MAMLD1: variants seen among roughly 807,000 people sequenced by gnomAD.
The protein encoded by MAMLD1 is mastermind like domain containing 1, also known as mastermind-like domain-containing protein 1.
A neutral mutation model predicts 45.0 loss-of-function variants in MAMLD1; 14 were observed. The observed-to-expected ratio is 0.31, with a 90% CI of 0.21 to 0.49. The LOEUF (loss-of-function observed/expected upper bound fraction) is 0.49. Ranked by LOEUF, MAMLD1 falls within the 20% of genes least tolerant of loss-of-function variation. The pLI is 0.99. For missense variants in MAMLD1, 543 were observed against 603.6 expected (o/e 0.90, Z 1.05); for synonymous variants, 254 against 247.8 (o/e 1.02, Z -0.24).
At chrX:150,459,121 G>A (rs2035959437) in intron 2 of MAMLD1, among the ~76,000 whole-genome samples, 1 of 111,700 alleles carries the variant, frequency 9.0e-6, no homozygotes, top group African/African-American at 3.3e-5. Context: ...AATCCAAATG[G>A]GGTCTGTTTT....
intron 1 of MAMLD1, among the ~76,000 whole-genome samples, chrX:150,392,037 G>T (rs1216543598): frequency 8.9e-6 from 1 of 111,901 alleles, no homozygotes; most frequent in African/African-American, 3.3e-5. Context: ...GCCCTGCCTT[G>T]TTGCCACTGA....
chrX:150,437,772 G>A (rs1219596824), intron 1 of MAMLD1, among the ~76,000 whole-genome samples: 1 of 111,796 alleles, frequency 8.9e-6, no homozygotes, highest in African/African-American at 3.2e-5. Context: ...ATGGGATATT[G>A]ACATTGACAC....
chrX:150,389,463 T>G (rs1325984162), intron 1 of MAMLD1, among the ~76,000 whole-genome samples: 9 of 112,449 alleles, frequency 8.0e-5, no homozygotes. Flanking sequence ...TTTCTGTTAT[T>G]GATTTCTAGT....
intron 1 of MAMLD1, among the ~76,000 whole-genome samples, chrX:150,410,467 G>C (rs1281496402): frequency 2.7e-5 from 3 of 111,775 alleles, no homozygotes; most frequent in African/African-American, 9.8e-5. Context: ...TTTTGGAGGG[G>C]AGAGACAGAC....
chrX:150,467,180 A>G (rs1466141048), intron 3 of MAMLD1, among the ~76,000 whole-genome samples: 1 of 112,050 alleles, frequency 8.9e-6, no homozygotes, highest in East Asian at 2.8e-4. Flanking sequence ...ATACATTTCT[A>G]TTTTTAACCT....
chrX:150,468,487 G>T (rs2036295032), intron 3 of MAMLD1, among the ~76,000 whole-genome samples: 2 of 111,815 alleles, frequency 1.8e-5, no homozygotes, highest in East Asian at 5.6e-4. Flanking sequence ...CGGCATTCAG[G>T]TGATTTCCAG....
intron 1 of MAMLD1, among the ~76,000 whole-genome samples, chrX:150,415,807 T>C (rs1395934176): frequency 5.3e-5 from 6 of 112,261 alleles, no homozygotes; most frequent in African/African-American, 1.9e-4. Context: ...TGACCCAAAA[T>C]GGAGTTAAAT....
intron 3 of MAMLD1, 42 bp downstream of exon 3, chrX:150,462,888 A>C: frequency 8.3e-6 from 9 of 1,078,099 alleles, no homozygotes; most frequent in Non-Finnish European, 1.2e-5. Context: ...TTCACTTTAC[A>C]GTGGGGAAAC....
chrX:150,402,328 C>T lies in MAMLD1; in HGVS notation c.-64+38798C>T, dbSNP rs113211676. On this transcript the variant is annotated intron_variant, in intron 1 of 7. Coordinates refer to ENST00000370401, the MANE Select transcript of MAMLD1 (RefSeq NM_005491.5). ...CAAAAAACACATGAAAAAATGCTCACCATCACTGGCCATCAGAGAAATGCA... is the reference window on the plus strand; with the variant it reads ...CAAAAAACACATGAAAAAATGCTCATCATCACTGGCCATCAGAGAAATGCA... Among the ~76,000 whole-genome samples, 383 of 106,357 alleles carry T rather than the reference C, an allele frequency of 3.6e-3. 3 individuals are homozygous for T. The highest frequency in any genetic ancestry group is 0.013 in the African/African-American group (369 of 28,146). 92.4% of individuals were successfully genotyped at this position (106,357 alleles called of 115,157 possible).
chrX:150,403,974 A>AAGAAAGAG (rs1333511999), intron 1 of MAMLD1, among the ~76,000 whole-genome samples: 1 of 97,609 alleles, frequency 1.0e-5, no homozygotes, highest in Non-Finnish European at 2.0e-5. Context: ...GAAAGAAAGA[A>AAGAAAGAG]AGAAAGAAAG....
At position 150,512,637 on chromosome X, in the gene MAMLD1, C is replaced by T. The variant is rs1557409247; in HGVS notation, c.*678C>T. On this transcript the variant is annotated 3_prime_UTR_variant, in exon 8 of 8. Transcript: ENST00000370401. ...GGCAGCCAGAGCCTCAGGCAGAGCC[C>T]GGTACAGGGCCCGGTGCCTGTAGCA... 13 of 1,147,180 alleles carry T rather than the reference C, an allele frequency of 1.1e-5. No individual in the cohort carries two copies. Among genetic ancestry groups the T allele is most frequent in the South Asian group, 1.9e-5 (1 of 51,313 alleles). 94.5% of individuals were successfully genotyped at this position (1,147,180 alleles called of 1,213,427 possible).
intron 1 of MAMLD1, among the ~76,000 whole-genome samples, chrX:150,415,401 C>T (rs2034224046): frequency 8.9e-6 from 1 of 112,702 alleles, no homozygotes; most frequent in South Asian, 3.7e-4. Flanking sequence ...ATTAAGGTTA[C>T]ATCGTTAACA....
intron 1 of MAMLD1, among the ~76,000 whole-genome samples, chrX:150,398,249 A>G (rs1221919767): frequency 2.4e-5 from 2 of 82,562 alleles, no homozygotes; most frequent in African/African-American, 9.0e-5. Flanking sequence ...GAAGGAGGAG[A>G]AGGAGAAGAA....
chrX:150,496,026 A>T (rs1485102064), intron 5 of MAMLD1, among the ~76,000 whole-genome samples: 1 of 112,921 alleles, frequency 8.9e-6, no homozygotes, highest in Admixed American at 9.3e-5. Flanking sequence ...CTCTTACTGT[A>T]GTTTTAATGA....
chrX:150,378,040 A>G (rs2032420765), intron 1 of MAMLD1, among the ~76,000 whole-genome samples: 3 of 112,454 alleles, frequency 2.7e-5, no homozygotes. Context: ...GGCTTTATTC[A>G]GATTTTGCCA....
At chrX:150,436,569 G>T (rs1328670595) in intron 1 of MAMLD1, among the ~76,000 whole-genome samples, 8 of 111,921 alleles carry the variant, frequency 7.1e-5, no homozygotes, top group African/African-American at 2.6e-4. Flanking sequence ...AACTCTCTCA[G>T]ATCAGTTTGG....
chrX:150,484,781 G>A (rs1356504051), intron 5 of MAMLD1, among the ~76,000 whole-genome samples: 1 of 112,606 alleles, frequency 8.9e-6, no homozygotes, highest in Non-Finnish European at 1.9e-5. Flanking sequence ...ATTTGTCAGA[G>A]CTAGATTGAC....
chrX:150,405,622 AAG>A (rs1315336402), intron 1 of MAMLD1, among the ~76,000 whole-genome samples: 2 of 112,130 alleles, frequency 1.8e-5, no homozygotes, highest in Non-Finnish European at 3.8e-5. Context: ...ATAAGCTAGA[AAG>A]AGAGGGTGGT....
intron 7 of MAMLD1, among the ~76,000 whole-genome samples, chrX:150,510,271 T>C (rs986583904): frequency 2.7e-5 from 3 of 112,122 alleles, no homozygotes; most frequent in Admixed American, 9.4e-5. Context: ...AAGAGACTGA[T>C]TTCCCTGAGT....
Sources: allele counts gnomAD v4.1 joint callset (sites outside exome capture counted in the v4.1 genomes callset), GRCh38; gene constraint gnomAD v4.1.1; transcripts MANE v1.5; gene names NCBI Gene and HGNC (gene_info 2026-07-23, HGNC 2026-07-21).